Variants in PGLYRP3 observed in about 807,000 individuals in gnomAD.
PGLYRP3 encodes the protein peptidoglycan recognition protein I alpha.
A neutral mutation model predicts 36.0 loss-of-function variants in PGLYRP3; 39 were observed. The ratio of observed to expected loss-of-function variants is 1.08; its 90% CI spans 0.84 to 1.41. The LOEUF (loss-of-function observed/expected upper bound fraction) is 1.41. PGLYRP3 is among the 40% of genes most tolerant of loss of function. PGLYRP3 has a pLI of 0.00. For missense variants in PGLYRP3, 407 were observed against 427.9 expected (o/e 0.95, Z 0.43); for synonymous variants, 204 against 172.8 (o/e 1.18, Z -1.42).
At chr1:153,301,521 A>G (rs1659598486) in intron 6 of PGLYRP3, among the ~76,000 whole-genome samples, 1 of 152,212 alleles carries the variant, frequency 6.6e-6, no homozygotes, top group African/African-American at 2.4e-5. Flanking sequence ...TCCATGTGGA[A>G]TTTCCAGATT....
In PGLYRP3 at chr1:153,310,641, C is replaced by G; in HGVS notation, c.25G>C (p.Ala9Pro). Residue 9 changes from alanine to proline, a missense_variant, in exon 2 of 8, where the codon GCC becomes CCC. By Grantham distance (27) the Ala-to-Pro change is conservative. Transcript: ENST00000683862. MGTLPWLL[A>P]FFILGLQAWD... ...GCCTGGAGACCCAGAATGAAGAAGG[C>G]AAGAAGCCATGGCAGCGTCCCCATG... 6.2e-7 allele frequency: 1 copy of G among 1,614,122 alleles called. No homozygotes were observed. Among genetic ancestry groups the G allele is most frequent in the South Asian group, 1.1e-5 (1 of 91,078 alleles).
chr1:153,312,062 A>G (rs1040121444), intron 1 of PGLYRP3, among the ~76,000 whole-genome samples: 3 of 152,232 alleles, frequency 2.0e-5, no homozygotes, highest in Non-Finnish European at 2.9e-5. Context: ...GCCACTATCA[A>G]TTCTGGTTTG....
At chr1:153,299,426 C>T (rs1005917273) in intron 6 of PGLYRP3, among the ~76,000 whole-genome samples, 195 bp from the exon 7 acceptor site, 3 of 152,180 alleles carry the variant, frequency 2.0e-5, no homozygotes, top group Admixed American at 6.5e-5. Context: ...TCAACCTGGC[C>T]TTTGTTCCCA....
At chr1:153,308,330 C>G (rs754534381) in intron 2 of PGLYRP3, among the ~76,000 whole-genome samples, 9 of 152,104 alleles carry the variant, frequency 5.9e-5, no homozygotes, top group Admixed American at 2.6e-4. Context: ...TCTTCTTTTT[C>G]TCTCCTTAGG....
rs1442965366 is a variant in PGLYRP3 at position 153,297,426 on chromosome 1, T to C, written c.*530A>G. On this transcript the variant is annotated 3_prime_UTR_variant, in exon 8 of 8. Transcript: ENST00000683862. ...CTTCCAGGCAGAAAACAGGGAAGGC[T>C]CACCAGGCAGAGGCGGGGAGAGGGG... is the stretch of plus-strand genomic sequence containing the variant. 8.1e-6 allele frequency among the ~76,000 whole-genome samples: 1 copy of C among 122,964 alleles called. No homozygotes were observed. The highest frequency in any genetic ancestry group is 1.6e-5 in the Non-Finnish European group (1 of 63,078). The allele number at this position is 122,964 out of a possible 152,430, so 80.7% of individuals were successfully genotyped here.
rs183823183 is a variant in PGLYRP3 at position 153,305,596 on chromosome 1, C to T, written c.258-531G>A. 2.9e-3 allele frequency among the ~76,000 whole-genome samples: 447 copies of T among 152,158 alleles called. 2 individuals are homozygous for T. The highest frequency in any genetic ancestry group is 9.6e-3 in the African/African-American group (397 of 41,524). ...AATTTTTTATTCTACTTCTTTTATT[C>T]CTGCCTCTTTATAATTTCTCTCCTC... On this transcript the variant is annotated intron_variant, in intron 3 of 7. Coordinates refer to ENST00000683862, the MANE Select transcript of PGLYRP3 (RefSeq NM_052891.3).
Position 153,297,936 on chromosome 1 carries a change from C to T in PGLYRP3, c.*20G>A. 1 of 1,611,462 alleles carries T rather than the reference C, an allele frequency of 6.2e-7. No homozygotes were observed. The highest frequency in any genetic ancestry group is 8.5e-7 in the Non-Finnish European group (1 of 1,178,322). On this transcript the variant is annotated 3_prime_UTR_variant, in exon 8 of 8. Coordinates refer to ENST00000683862, the MANE Select transcript of PGLYRP3 (RefSeq NM_052891.3). ...CCCAGCAGGGGAGGGAGGGCAGTCT[C>T]AAAGGGAGTGGGGCCTCCTTCAGTG...
intron 6 of PGLYRP3, among the ~76,000 whole-genome samples, chr1:153,299,808 G>C (rs1260434653): frequency 6.6e-6 from 1 of 152,150 alleles, no homozygotes; most frequent in Non-Finnish European, 1.5e-5. Flanking sequence ...ACAACACCCT[G>C]AATGCCTTCT....
In PGLYRP3 at chr1:153,298,143, C is replaced by T. The variant is rs374418121; in HGVS notation, c.848-9G>A. On this transcript the variant is annotated splice_polypyrimidine_tract_variant and intron_variant, in intron 7 of 7. Coordinates refer to ENST00000683862, the MANE Select transcript of PGLYRP3 (RefSeq NM_052891.3). ...AGCATTTGGAGGCTTTTCTGCAAAA[C>T]ACATTTTCCCCATCAGTCATTAGGG... 1.2e-6 allele frequency: 2 copies of T among 1,613,240 alleles called. No homozygotes were observed. Among genetic ancestry groups the T allele is most frequent in the African/African-American group, 2.7e-5 (2 of 74,828 alleles).
rs1557805337 is a variant in PGLYRP3, at chr1:153,297,554, A to AAC, written c.*401_*402insGT. Among the ~76,000 whole-genome samples, 1 of 52,596 alleles carries AAC rather than the reference A, an allele frequency of 1.9e-5. No homozygotes were observed. The highest frequency in any genetic ancestry group is 3.9e-5 in the Non-Finnish European group (1 of 25,554). 34.5% of individuals were successfully genotyped at this position (52,596 alleles called of 152,430 possible). On this transcript the variant is annotated 3_prime_UTR_variant, in exon 8 of 8. Coordinates refer to ENST00000683862, the MANE Select transcript of PGLYRP3 (RefSeq NM_052891.3). ...AGGAAGGAAGGAAGGAAGGAAGGAAAGAAAGAAAAAGAAAGAAAGAAAGAA... is the reference window on the plus strand; with the variant it reads ...AGGAAGGAAGGAAGGAAGGAAGGAAAACGAAAGAAAAAGAAAGAAAGAAAGAA...
At chr1:153,309,614 T>C (rs1287916638) in intron 2 of PGLYRP3, among the ~76,000 whole-genome samples, 2 of 151,994 alleles carry the variant, frequency 1.3e-5, no homozygotes, top group African/African-American at 4.8e-5. Context: ...CAAGGTGTGC[T>C]GGAGAGACTG....
At chr1:153,306,978 G>T in intron 3 of PGLYRP3, 88 bp downstream of exon 3, 2 of 1,176,852 alleles carry the variant, frequency 1.7e-6, no homozygotes, top group Non-Finnish European at 2.4e-6. Flanking sequence ...TAAATGAAGC[G>T]CAGAAAATAA....
intron 2 of PGLYRP3, among the ~76,000 whole-genome samples, chr1:153,308,646 C>T (rs1224058117): frequency 6.6e-6 from 1 of 152,196 alleles, no homozygotes; most frequent in Non-Finnish European, 1.5e-5. Flanking sequence ...TGCATTGGTG[C>T]ACTCCTTGGA....
At chr1:153,307,856 G>A (rs1274247992) in intron 2 of PGLYRP3, among the ~76,000 whole-genome samples, 1 of 152,112 alleles carries the variant, frequency 6.6e-6, no homozygotes, top group African/African-American at 2.4e-5. Context: ...CACCTGCCGC[G>A]TCAGGCTACC....
intron 1 of PGLYRP3, among the ~76,000 whole-genome samples, 159 bp downstream of exon 1, chr1:153,312,484 A>G (rs892727585): frequency 6.6e-6 from 1 of 151,834 alleles, no homozygotes; most frequent in Non-Finnish European, 1.5e-5. Context: ...AATGAAGAAA[A>G]TTTTCTTATT....
In PGLYRP3 at chr1:153,303,930, G is replaced by A. The variant is rs376729888; in HGVS notation, c.456C>T (p.Pro152=). The A allele has an allele frequency of 1.2e-6, 2 of 1,614,054 alleles. No individual in the cohort carries two copies. Among genetic ancestry groups the A allele is most frequent in the South Asian group, 1.1e-5 (1 of 91,056 alleles). The part of the protein sequence containing the change: ...SYAIQKGHLS[P]RYIQPLLLKE... The stretch of plus-strand genomic sequence containing the variant: ...TCAGAAGAAGTGGCTGAATATACCT[G>A]GGCGACAGGTGACCCTTCTGGATGG... Residue 152 remains proline (P), a synonymous_variant, in exon 5 of 8, where the codon CCC becomes CCT. Transcript: ENST00000683862.
chr1:153,303,717 T>G, intron 5 of PGLYRP3, 140 bp downstream of exon 5: 1 of 1,009,504 alleles, frequency 9.9e-7, no homozygotes, highest in South Asian at 1.9e-5. Context: ...CTCAGAATTT[T>G]CCAGATCTCA....
intron 2 of PGLYRP3, among the ~76,000 whole-genome samples, chr1:153,308,342 TG>T (rs754296975): frequency 7.2e-5 from 11 of 152,268 alleles, no homozygotes; most frequent in Non-Finnish European, 1.6e-4. Context: ...CTCCTTAGGC[TG>T]AGGAACTCCC....
At position 153,297,381 on chromosome 1, in the gene PGLYRP3, T is replaced by G. The variant is rs1309301931; in HGVS notation, c.*575A>C. 2.5e-5 allele frequency among the ~76,000 whole-genome samples: 3 copies of G among 121,720 alleles called. No homozygotes were observed. The highest frequency in any genetic ancestry group is 6.9e-5 in the African/African-American group (2 of 29,062). The allele number at this position is 121,720 out of a possible 152,430, so 79.9% of individuals were successfully genotyped here. On this transcript the variant is annotated 3_prime_UTR_variant, in exon 8 of 8. Transcript: ENST00000683862. ...TGGGCACACTGACCTAGGTCATGGGTGAGGGATGAAGGGTGGGGGCTTCCA... is the reference window on the plus strand; with the variant it reads ...TGGGCACACTGACCTAGGTCATGGGGGAGGGATGAAGGGTGGGGGCTTCCA...
Sources: gnomAD v4.1 joint callset for allele counts (sites outside exome capture counted in the v4.1 genomes callset) on GRCh38, gnomAD v4.1.1 for gene constraint, MANE v1.5 for transcripts, NCBI Gene and HGNC (gene_info 2026-07-23, HGNC 2026-07-21) for gene names.